The following FBXO36 variants were observed in gnomAD, a reference collection of about 807,000 sequenced individuals.
The protein encoded by FBXO36 is F-box protein 36, also known as F-box only protein 36.
A neutral mutation model predicts 17.0 loss-of-function variants in FBXO36; 18 were observed. That is an observed-to-expected ratio of 1.06 (90% CI 0.73 to 1.57). The LOEUF (loss-of-function observed/expected upper bound fraction) is 1.57. Among genes scored for constraint, FBXO36 ranks in the 40% most tolerant of loss-of-function variants. The probability of loss-of-function intolerance (pLI) is 0.00; values close to 1 mark genes in which losing one functional copy is unlikely to be tolerated. For missense variants in FBXO36, 229 were observed against 221.9 expected, an observed-to-expected ratio of 1.03 and a Z score of -0.20; for synonymous variants, 83 against 85.3, an observed-to-expected ratio of 0.97 and a Z score of 0.15.
intron 2 of FBXO36, among the ~76,000 whole-genome samples, chr2:229,991,211 C>G (rs913437798): frequency 1.3e-5 from 2 of 152,294 alleles, no homozygotes; most frequent in South Asian, 4.1e-4. Flanking sequence ...GCTGGGATTA[C>G]AGGCATGAGC....
chr2:229,964,820 G>A (rs1463950141), intron 1 of FBXO36, among the ~76,000 whole-genome samples: 1 of 152,110 alleles, frequency 6.6e-6, no homozygotes, highest in Non-Finnish European at 1.5e-5. Context: ...CGCCCGGTGC[G>A]TGTATCAGTA....
At chr2:230,002,377 C>A (rs1000906366) in intron 3 of FBXO36, among the ~76,000 whole-genome samples, 9 of 150,650 alleles carry the variant, frequency 6.0e-5, no homozygotes, top group Non-Finnish European at 1.0e-4. Flanking sequence ...CCCCCCCGTA[C>A]GTTAATTTTT....
chr2:229,949,700 C>T (rs1012590861), intron 1 of FBXO36, among the ~76,000 whole-genome samples: 3 of 151,754 alleles, frequency 2.0e-5, no homozygotes, highest in Admixed American at 1.3e-4. Flanking sequence ...CCAAGGCGGG[C>T]GGATCACGAG....
chr2:229,938,011 AGGGT>A (rs2076973915), intron 1 of FBXO36: 1 of 152,536 alleles, frequency 6.6e-6, no homozygotes, highest in African/African-American at 2.4e-5. Context: ...CTGTCGCCCC[AGGGT>A]GGAGTGCAGT....
At chr2:230,009,784 A>G (rs1468802823) in intron 3 of FBXO36, among the ~76,000 whole-genome samples, 1 of 152,074 alleles carries the variant, frequency 6.6e-6, no homozygotes, top group East Asian at 1.9e-4. Context: ...CTCTATAAAA[A>G]AAAATACAAA....
intron 1 of FBXO36, among the ~76,000 whole-genome samples, chr2:229,950,980 C>T (rs934551077): frequency 6.6e-6 from 1 of 152,190 alleles, no homozygotes; most frequent in African/African-American, 2.4e-5. Context: ...GTTGCCCACA[C>T]TGGAGTGCAG....
intron 2 of FBXO36, among the ~76,000 whole-genome samples, chr2:229,980,154 T>A (rs893513577): frequency 5.3e-5 from 8 of 152,080 alleles, no homozygotes; most frequent in African/African-American, 1.9e-4. Flanking sequence ...TTTAAGCAGT[T>A]CTCATGCCAC....
At chr2:229,939,307 T>C (rs542740400) in intron 1 of FBXO36, 3 of 971,762 alleles carry the variant, frequency 3.1e-6, no homozygotes, top group Non-Finnish European at 3.7e-6. Context: ...TCTTGCCCTA[T>C]TTTACATTTT....
intron 1 of FBXO36, among the ~76,000 whole-genome samples, chr2:229,949,908 G>C (rs989877749): frequency 6.6e-6 from 1 of 152,234 alleles, no homozygotes; most frequent in Non-Finnish European, 1.5e-5. Context: ...CTGGGTGACA[G>C]AGCGAGACTC....
intron 1 of FBXO36, among the ~76,000 whole-genome samples, chr2:229,960,687 G>T (rs2077116135): frequency 6.6e-6 from 1 of 152,088 alleles, no homozygotes; most frequent in Non-Finnish European, 1.5e-5. Flanking sequence ...GTTTTTTGTA[G>T]AGATGGGGTT....
intron 3 of FBXO36, among the ~76,000 whole-genome samples, chr2:230,000,851 C>CTTTTTTTTTTTTTTTT (rs71049612): frequency 1.1e-5 from 1 of 89,486 alleles, no homozygotes; most frequent in Non-Finnish European, 2.3e-5. Flanking sequence ...AACCACTTTT[C>CTTTTTTTTTTTTTTTT]TTTTTTTTTT....
chr2:229,922,652 C>T, intron 1 of FBXO36, 43 bp downstream of exon 1: 1 of 1,601,752 alleles, frequency 6.2e-7, no homozygotes, highest in Non-Finnish European at 8.5e-7. Flanking sequence ...AACTCCCTAC[C>T]TGGCCCGGTT....
intron 1 of FBXO36, chr2:229,942,829 CCA>C (rs1184458574): frequency 6.6e-6 from 1 of 152,244 alleles, no homozygotes; most frequent in Non-Finnish European, 1.5e-5. Context: ...GAGCTTTTTC[CCA>C]CAGTCAAGCC....
chr2:229,964,883 AC>A (rs2077143043), intron 1 of FBXO36, among the ~76,000 whole-genome samples: 1 of 152,118 alleles, frequency 6.6e-6, no homozygotes, highest in Non-Finnish European at 1.5e-5. Context: ...TTACCTGTTT[AC>A]CAGTTGATGT....
chr2:229,957,765 TTAAC>T (rs946712310), intron 1 of FBXO36, among the ~76,000 whole-genome samples: 2 of 152,122 alleles, frequency 1.3e-5, no homozygotes, highest in African/African-American at 4.8e-5. Flanking sequence ...TGATCCAAAG[TTAAC>T]TGTCAGCTTC....
At chr2:229,996,123 A>C (rs560647835) in intron 2 of FBXO36, among the ~76,000 whole-genome samples, 2 of 151,810 alleles carry the variant, frequency 1.3e-5, no homozygotes, top group Non-Finnish European at 1.5e-5. Flanking sequence ...AAAAAAATTT[A>C]AAAAAATAGC....
chr2:230,011,125 C>G lies in FBXO36; in HGVS notation c.*241C>G, dbSNP rs1234038989. 1 of 442,904 alleles carries G rather than the reference C, an allele frequency of 2.3e-6. No homozygotes were observed. The highest frequency in any genetic ancestry group is 4.1e-6 in the Non-Finnish European group (1 of 245,256). 27.4% of individuals were successfully genotyped at this position (442,904 alleles called of 1,614,324 possible). ...GGACAAGGGCTGTAAGACAGGGAGC[C>G]CCATAGGCCATCATCATCCTTATCC... On this transcript the variant is annotated 3_prime_UTR_variant, in exon 4 of 4. Coordinates refer to ENST00000283946, the MANE Select transcript of FBXO36 (RefSeq NM_174899.5).
At chr2:229,951,176 A>T (rs994182848) in intron 1 of FBXO36, among the ~76,000 whole-genome samples, 2 of 151,460 alleles carry the variant, frequency 1.3e-5, no homozygotes, top group African/African-American at 2.4e-5. Flanking sequence ...CTCGTTATCC[A>T]CCCACCTCAG....
At chr2:229,931,103 T>C (rs909961053) in intron 1 of FBXO36, among the ~76,000 whole-genome samples, 3 of 152,222 alleles carry the variant, frequency 2.0e-5, no homozygotes, top group Non-Finnish European at 4.4e-5. Context: ...TTTAATTTTT[T>C]TAAGTGGCAT....
Sources: gnomAD v4.1 joint callset for allele counts (sites outside exome capture counted in the v4.1 genomes callset) on GRCh38, gnomAD v4.1.1 for gene constraint, MANE v1.5 for transcripts, NCBI Gene and HGNC (gene_info 2026-07-23, HGNC 2026-07-21) for gene names.